Variants in IPO8 observed in about 807,000 individuals in gnomAD.
IPO8 encodes the protein importin-8.
IPO8 carries 65 observed loss-of-function variants against 141.2 expected under a neutral mutation model. That is an observed-to-expected ratio of 0.46 (90% CI 0.38 to 0.57). The LOEUF is 0.57. Among genes scored for constraint, IPO8 ranks in the 20% least tolerant of loss-of-function variants. IPO8 has a pLI of 0.00. For synonymous variants in IPO8, 411 were observed against 420.3 expected (o/e 0.98, Z 0.27); for missense variants, 980 against 1,246.8 (o/e 0.79, Z 3.22).
chr12:30,689,610 T>A (rs2053272316), intron 2 of IPO8, among the ~76,000 whole-genome samples: 1 of 152,198 alleles, frequency 6.6e-6, no homozygotes, highest in Non-Finnish European at 1.5e-5. Context: ...TATGTTCAAA[T>A]CAAATTAAAT....
Position 30,671,047 on chromosome 12 carries a change from G to A in IPO8, c.959C>T (p.Pro320Leu). 6.2e-7 allele frequency: 1 copy of A among 1,609,102 alleles called. No homozygotes were observed. The highest frequency in any genetic ancestry group is 8.5e-7 in the Non-Finnish European group (1 of 1,175,618). The change falls in exon 9 of 25, where the codon CCC becomes CTC. Residue 320 changes from proline to leucine, a missense_variant. Transcript: ENST00000256079. Reference sequence around the variant, plus strand: ...GTTGAATGCTTGCTGAAGAACACGGGGAGCTACATATTCTTTCTGTCTATA... The same window carrying A: ...GTTGAATGCTTGCTGAAGAACACGGAGAGCTACATATTCTTTCTGTCTATA... ...DQYRQKEYVAPRVLQQAFNYL... is the reference protein window; with the variant it reads ...DQYRQKEYVALRVLQQAFNYL...
At chr12:30,676,905 G>T in intron 5 of IPO8, 1 of 1,524,488 alleles carries the variant, frequency 6.6e-7, no homozygotes, top group South Asian at 1.2e-5. Context: ...CCCCTTTGAG[G>T]GTCAAACTTT....
chr12:30,645,057 T>A (rs1257019559), intron 20 of IPO8, among the ~76,000 whole-genome samples: 1 of 151,868 alleles, frequency 6.6e-6, no homozygotes, highest in Non-Finnish European at 1.5e-5. Flanking sequence ...AAGATAAAAT[T>A]ACAGTAAAGA....
chr12:30,678,773 A>G (rs2053154116), intron 5 of IPO8, among the ~76,000 whole-genome samples: 1 of 152,174 alleles, frequency 6.6e-6, no homozygotes, highest in South Asian at 2.1e-4. Context: ...GGTTAGGCTG[A>G]GCTTATGTAT....
rs905216452 is a variant in IPO8 at position 30,662,392 on chromosome 12, G to A, written c.1690C>T (p.Gln564Ter). The A allele has an allele frequency of 6.2e-7, 1 of 1,612,214 alleles. No individual in the cohort carries two copies. Among genetic ancestry groups the A allele is most frequent in the African/African-American group, 1.3e-5 (1 of 74,998 alleles). ...TENDDVTNVI[Q>*]KMICEYSQEV... ...TGACTGTATTCACATATCATCTTCT[G>A]GATGACATTAGTAACATCATCATTT... Residue 564 changes from glutamine (Q) to a stop codon, truncating the protein, a stop_gained, in exon 15 of 25, where the codon CAG becomes TAG. Transcript: ENST00000256079. LOFTEE classifies it high-confidence loss of function.
chr12:30,692,145 CTA>C (rs2053296491), intron 1 of IPO8, among the ~76,000 whole-genome samples: 1 of 152,164 alleles, frequency 6.6e-6, no homozygotes, highest in East Asian at 1.9e-4. Flanking sequence ...ATTAAAACAT[CTA>C]TATAGTTTAT....
At chr12:30,667,160 T>G (rs1386159616) in intron 10 of IPO8, among the ~76,000 whole-genome samples, 1 of 152,232 alleles carries the variant, frequency 6.6e-6, no homozygotes, top group Non-Finnish European at 1.5e-5. Context: ...ACTTACTCTG[T>G]GCCAAGCAGT....
At chr12:30,644,456 C>CA in intron 20 of IPO8, among the ~76,000 whole-genome samples, 1 of 151,526 alleles carries the variant, frequency 6.6e-6, no homozygotes, top group Admixed American at 6.6e-5. Context: ...ACTAATACCC[C>CA]AATAAAGCTT....
At chr12:30,693,420 G>A (rs958272174) in intron 1 of IPO8, among the ~76,000 whole-genome samples, 1 of 152,220 alleles carries the variant, frequency 6.6e-6, no homozygotes, top group African/African-American at 2.4e-5. Flanking sequence ...AGGCTGTGGT[G>A]CAGAAGCTGC....
chr12:30,683,637 A>G (rs2053211076), intron 3 of IPO8, among the ~76,000 whole-genome samples: 1 of 152,238 alleles, frequency 6.6e-6, no homozygotes, highest in East Asian at 1.9e-4. Context: ...TCAAAAGTAA[A>G]TAGAATTAAA....
At chr12:30,662,258 A>G (rs1397451808) in intron 15 of IPO8, 69 bp downstream of exon 15, 3 of 1,270,092 alleles carry the variant, frequency 2.4e-6, no homozygotes, top group Non-Finnish European at 3.3e-6. Flanking sequence ...ACTGAACTCC[A>G]TATTTTGGAG....
intron 3 of IPO8, 55 bp from the exon 4 acceptor site, chr12:30,681,872 CA>C: frequency 7.1e-7 from 1 of 1,412,670 alleles, no homozygotes; most frequent in Non-Finnish European, 9.7e-7. Flanking sequence ...TACTGTGTTT[CA>C]AAGACCTCTA....
At chr12:30,692,578 G>A (rs952400284) in intron 1 of IPO8, among the ~76,000 whole-genome samples, 3 of 152,148 alleles carry the variant, frequency 2.0e-5, no homozygotes, top group Admixed American at 6.5e-5. Flanking sequence ...CTGCAAATAC[G>A]CAGTTTGCTT....
intron 13 of IPO8, among the ~76,000 whole-genome samples, chr12:30,664,525 T>C (rs550655754): frequency 2.0e-5 from 3 of 152,170 alleles, no homozygotes; most frequent in Non-Finnish European, 4.4e-5. Flanking sequence ...AATCTCTCCA[T>C]TTTACTAAGG....
At chr12:30,642,053 G>A (rs142192845) in intron 20 of IPO8, among the ~76,000 whole-genome samples, 29 of 151,958 alleles carry the variant, frequency 1.9e-4, no homozygotes, top group East Asian at 5.8e-4. Flanking sequence ...AAAATTAGCC[G>A]GGCGTGGTGG....
Position 30,634,162 on chromosome 12 carries a change from G to A in IPO8, c.2820C>T (p.Thr940=), listed in dbSNP as rs767569677. The stretch of plus-strand genomic sequence containing the variant: ...GTGGAGTACTGAACCCCTCAAGCGC[G>A]GTTTCTTCCAATACTTCTTCATCCC... ...DDWDEEVLEE[T]ALEGFSTPLD... is the part of the protein sequence containing the mutation. The change falls in exon 23 of 25, where the codon ACC becomes ACT. Residue 940 remains threonine, a synonymous_variant. Transcript: ENST00000256079. The A allele has an allele frequency of 3.7e-5, 59 of 1,613,720 alleles. No homozygotes were observed. The highest frequency in any genetic ancestry group is 6.7e-5 in the Admixed American group (4 of 59,960).
At chr12:30,631,200 G>A (rs1591947260) in intron 24 of IPO8, among the ~76,000 whole-genome samples, 2 of 152,264 alleles carry the variant, frequency 1.3e-5, no homozygotes, top group Admixed American at 1.3e-4. Context: ...CGTCTCAGAG[G>A]TGGATTCTAC....
chr12:30,664,282 G>A (rs1210375725), intron 13 of IPO8, among the ~76,000 whole-genome samples: 1 of 152,078 alleles, frequency 6.6e-6, no homozygotes, highest in Non-Finnish European at 1.5e-5. Flanking sequence ...TGCCCTCAGC[G>A]TCCCTAGTCC....
At chr12:30,668,058 AAAG>A (rs953967717) in intron 10 of IPO8, among the ~76,000 whole-genome samples, 27 of 118,926 alleles carry the variant, frequency 2.3e-4, no homozygotes, top group African/African-American at 8.7e-4. Flanking sequence ...GGAACAAAAA[AAAG>A]AGAGAGAGAG....
Sources: gnomAD v4.1 joint callset for allele counts (sites outside exome capture counted in the v4.1 genomes callset) on GRCh38, gnomAD v4.1.1 for gene constraint, MANE v1.5 for transcripts, NCBI Gene and HGNC (gene_info 2026-07-23, HGNC 2026-07-21) for gene names.